KCNC2: variants seen among roughly 807,000 people sequenced by gnomAD.
KCNC2 encodes voltage-gated potassium channel KCNC2.
Under a neutral mutation model 44.5 loss-of-function variants are expected in KCNC2, and 21 were observed. That is an observed-to-expected ratio of 0.47 (90% confidence interval 0.33 to 0.68). The LOEUF (loss-of-function observed/expected upper bound fraction) is 0.68. Ranked by LOEUF, KCNC2 falls within the 30% of genes least tolerant of loss-of-function variation. The pLI is 0.01. For synonymous variants in KCNC2, 391 were observed against 339.1 expected, an observed-to-expected ratio of 1.15 and a Z score of -1.68; for missense variants, 589 against 826.2, an observed-to-expected ratio of 0.71 and a Z score of 3.52.
intron 2 of KCNC2, among the ~76,000 whole-genome samples, chr12:75,144,466 G>T (rs147291657): frequency 6.6e-6 from 1 of 152,102 alleles, no homozygotes; most frequent in Non-Finnish European, 1.5e-5. Flanking sequence ...GCTTGTATAG[G>T]CAAGTGTAGT....
intron 2 of KCNC2, among the ~76,000 whole-genome samples, chr12:75,149,723 T>C (rs1008611086): frequency 6.6e-6 from 1 of 151,168 alleles, no homozygotes; most frequent in African/African-American, 2.4e-5. Context: ...CTTAATTACC[T>C]GCTTTGAAAA....
At chr12:75,104,927 A>G (rs879622758) in intron 2 of KCNC2, among the ~76,000 whole-genome samples, 5 of 152,094 alleles carry the variant, frequency 3.3e-5, no homozygotes, top group Non-Finnish European at 5.9e-5. Context: ...ATATCAGTCC[A>G]TTTATTCAAC....
intron 2 of KCNC2, among the ~76,000 whole-genome samples, chr12:75,203,473 G>A (rs372855768): frequency 4.6e-5 from 7 of 151,932 alleles, no homozygotes; most frequent in East Asian, 1.9e-4. Flanking sequence ...CAGAAGGATC[G>A]TATATGAGAT....
intron 2 of KCNC2, among the ~76,000 whole-genome samples, chr12:75,137,443 A>G (rs1346724554): frequency 6.6e-6 from 1 of 152,164 alleles, no homozygotes; most frequent in Non-Finnish European, 1.5e-5. Context: ...TTGTGTTTTC[A>G]TCTGTCATAT....
chr12:75,120,196 A>C (rs1393218309), intron 2 of KCNC2, among the ~76,000 whole-genome samples: 1 of 152,214 alleles, frequency 6.6e-6, no homozygotes, highest in Non-Finnish European at 1.5e-5. Flanking sequence ...CATTATCCCC[A>C]AATACTCTAT....
chr12:75,106,542 G>A (rs1190468912), intron 2 of KCNC2, among the ~76,000 whole-genome samples: 3 of 152,240 alleles, frequency 2.0e-5, no homozygotes, highest in Non-Finnish European at 4.4e-5. Context: ...GCAGGGAGAG[G>A]AAAAGTTCAT....
chr12:75,192,150 T>C (rs1317164454), intron 2 of KCNC2, among the ~76,000 whole-genome samples: 1 of 152,238 alleles, frequency 6.6e-6, no homozygotes. Flanking sequence ...TATTTCTAAT[T>C]TATTAAATGA....
Position 75,042,781 on chromosome 12 carries a change from ACTGTT to A in KCNC2, c.*319_*323del. 8.6e-7 allele frequency: 1 copy of A among 1,161,498 alleles called. No individual in the cohort carries two copies. Among genetic ancestry groups the A allele is most frequent in the African/African-American group, 1.6e-5 (1 of 62,630 alleles). 71.9% of individuals were successfully genotyped at this position (1,161,498 alleles called of 1,614,324 possible). On this transcript the variant is annotated 3_prime_UTR_variant, in exon 5 of 5. Transcript: ENST00000549446. Reference sequence around the variant, plus strand: ...TGAAGTGGTTGGCATTTGGAAGCACACTGTTTTAAATATATCTCCCTGAAGGTATG... The same window carrying A: ...TGAAGTGGTTGGCATTTGGAAGCACATTAAATATATCTCCCTGAAGGTATG...
intron 2 of KCNC2, among the ~76,000 whole-genome samples, chr12:75,185,438 A>G (rs769499162): frequency 6.6e-6 from 1 of 152,090 alleles, no homozygotes; most frequent in Admixed American, 6.6e-5. Flanking sequence ...CTGCATGAAT[A>G]GATTAATGCT....
chr12:75,088,657 G>GGCCTCTTCCCT (rs138138136), intron 2 of KCNC2, among the ~76,000 whole-genome samples: 36,706 of 151,256 alleles, frequency 0.24, 6,512 homozygotes, highest in African/African-American at 0.49. Flanking sequence ...TACATTGGAA[G>GGCCTCTTCCCT]GCCTCTTCCC....
At chr12:75,110,063 T>G (rs746495965) in intron 2 of KCNC2, among the ~76,000 whole-genome samples, 1 of 151,862 alleles carries the variant, frequency 6.6e-6, no homozygotes, top group Non-Finnish European at 1.5e-5. Flanking sequence ...AGGTTTTATA[T>G]GCAAATAATA....
At chr12:75,205,845 T>G (rs1481198148) in intron 2 of KCNC2, among the ~76,000 whole-genome samples, 2 of 150,224 alleles carry the variant, frequency 1.3e-5, no homozygotes, top group Non-Finnish European at 1.5e-5. Context: ...TTGGGTTTTT[T>G]TTTTTTTTTT....
chr12:75,192,078 C>T (rs1369655272), intron 2 of KCNC2, among the ~76,000 whole-genome samples: 1 of 152,130 alleles, frequency 6.6e-6, no homozygotes, highest in Non-Finnish European at 1.5e-5. Context: ...ATGTAATAGT[C>T]TTTACAGCAT....
At chr12:75,177,507 A>T (rs931047140) in intron 2 of KCNC2, among the ~76,000 whole-genome samples, 1 of 151,956 alleles carries the variant, frequency 6.6e-6, no homozygotes, top group Non-Finnish European at 1.5e-5. Flanking sequence ...ATTTTATGAA[A>T]ATCAGAGGAT....
intron 2 of KCNC2, among the ~76,000 whole-genome samples, chr12:75,170,925 T>A (rs1400299620): frequency 6.6e-6 from 1 of 151,782 alleles, no homozygotes; most frequent in Non-Finnish European, 1.5e-5. Flanking sequence ...CCAAGCTTAT[T>A]CAGATTGTTG....
At position 75,041,122 on chromosome 12, in the gene KCNC2, C is replaced by A. The variant is rs746894009; in HGVS notation, c.*1983G>T. 4 of 1,596,720 alleles carry A rather than the reference C, an allele frequency of 2.5e-6. No individual in the cohort carries two copies. The South Asian group carries it at 4.4e-5, about 18-fold the overall frequency. The stretch of plus-strand genomic sequence containing the variant: ...TCAGGGCACATTCAGCAGCAGAAGT[C>A]TGTTTCCAGTATAGTCCTTGGTATG... On this transcript the variant is annotated 3_prime_UTR_variant, in exon 5 of 5. Transcript: ENST00000549446.
At chr12:75,155,128 A>T (rs1480071626) in intron 2 of KCNC2, among the ~76,000 whole-genome samples, 1 of 151,886 alleles carries the variant, frequency 6.6e-6, no homozygotes, top group African/African-American at 2.4e-5. Flanking sequence ...TCCCAAGAAA[A>T]AAAAACGCCC....
At chr12:75,061,341 G>A (rs1037518935) in intron 2 of KCNC2, among the ~76,000 whole-genome samples, 9 of 152,068 alleles carry the variant, frequency 5.9e-5, no homozygotes, top group Middle Eastern at 3.2e-3. Context: ...CATCTTGTGT[G>A]ACAAGAGTAG....
chr12:75,093,153 A>G (rs906655894), intron 2 of KCNC2, among the ~76,000 whole-genome samples: 5 of 151,622 alleles, frequency 3.3e-5, no homozygotes. Flanking sequence ...CATAGAATCA[A>G]AATATTCTGG....
Sources: allele counts gnomAD v4.1 joint callset (sites outside exome capture counted in the v4.1 genomes callset), GRCh38; gene constraint gnomAD v4.1.1; transcripts MANE v1.5; gene names NCBI Gene and HGNC (gene_info 2026-07-23, HGNC 2026-07-21).